Variants in GASK1B observed in about 807,000 individuals in gnomAD.
The protein encoded by GASK1B is Golgi-associated kinase 1B.
Under a neutral mutation model 42.8 loss-of-function variants are expected in GASK1B, and 34 were observed. That is an observed-to-expected ratio of 0.79 (90% CI 0.60 to 1.06). GASK1B has a LOEUF of 1.06. Among genes scored for constraint, GASK1B ranks in the 50% least tolerant of loss-of-function variants. The pLI, the probability that GASK1B is intolerant of heterozygous loss-of-function variation, is 0.00. For missense variants in GASK1B, 686 were observed against 661.0 expected, an observed-to-expected ratio of 1.04 and a Z score of -0.42; for synonymous variants, 262 against 259.1, an observed-to-expected ratio of 1.01 and a Z score of -0.11.
rs376041501 is a variant in GASK1B at position 158,170,810 on chromosome 4, C to T, written c.566G>A (p.Arg189Gln). The T allele has an allele frequency of 6.2e-7, 1 of 1,614,070 alleles. No individual in the cohort carries two copies. The highest frequency in any genetic ancestry group is 8.5e-7 in the Non-Finnish European group (1 of 1,180,038). Residue 189 changes from arginine (R) to glutamine (Q), a missense_variant, in exon 2 of 5, where the codon CGA becomes CAA. Transcript: ENST00000585682. Reference protein sequence around the residue: ...PWRLVRGPGVRAGGPDFLQPS... With the variant: ...PWRLVRGPGVQAGGPDFLQPS... ...CTGCAGGAAGTCTGGGCCCCCGGCTCGCACTCCCGGACCCCGCACCAACCT... is the reference window on the plus strand; with the variant it reads ...CTGCAGGAAGTCTGGGCCCCCGGCTTGCACTCCCGGACCCCGCACCAACCT...
In GASK1B at chr4:158,170,652, T is replaced by A. The variant is rs765468361; in HGVS notation, c.724A>T (p.Ser242Cys). 2 of 1,613,912 alleles carry A rather than the reference T, an allele frequency of 1.2e-6. No individual in the cohort carries two copies. The highest frequency in any genetic ancestry group is 2.2e-5 in the South Asian group (2 of 91,080). Residue 242 changes from serine (S) to cysteine (C), a missense_variant, in exon 2 of 5, where the codon AGC becomes TGC. Ser to Cys is a moderately radical substitution (Grantham distance 112, BLOSUM62 -1). Transcript: ENST00000585682. ...VAGLRPVSSR[S>C]GARLLVLEGG... ...TCCAGCACCAGCAAACGGGCTCCGC[T>A]CCTAGAGGACACAGGCCGGAGCCCT... is the stretch of plus-strand genomic sequence containing the variant.
rs1156236857 is a variant in GASK1B, at chr4:158,127,010, T to C, written c.*397A>G. The C allele has an allele frequency of 1.2e-5, 2 of 169,104 alleles. No individual in the cohort carries two copies. Among genetic ancestry groups the C allele is most frequent in the African/African-American group, 2.4e-5 (1 of 41,604 alleles). The allele number at this position is 169,104 out of a possible 1,614,324, so 10.5% of individuals were successfully genotyped here. A position where few individuals can be genotyped will look rare whatever the true frequency, so the allele number is the denominator to read the frequency against. On this transcript the variant is annotated 3_prime_UTR_variant, in exon 5 of 5. Coordinates refer to ENST00000585682, the MANE Select transcript of GASK1B (RefSeq NM_001128424.2). ...AAACGTCAAGAATTGTTCCCATTAG[T>C]ATTTGGTCAGAACAGTCAAAACGGC...
chr4:158,140,584 C>T (rs1168651325), intron 3 of GASK1B, among the ~76,000 whole-genome samples: 1 of 152,144 alleles, frequency 6.6e-6, no homozygotes. Flanking sequence ...TGCTCCCTAC[C>T]AGACTTACTC....
At chr4:158,153,055 A>G (rs1440048008) in intron 3 of GASK1B, among the ~76,000 whole-genome samples, 1 of 152,212 alleles carries the variant, frequency 6.6e-6, no homozygotes, top group Non-Finnish European at 1.5e-5. Context: ...AGAGGAAGTC[A>G]AACTGTCACT....
At chr4:158,134,714 T>G (rs1730814566) in intron 3 of GASK1B, among the ~76,000 whole-genome samples, 1 of 152,178 alleles carries the variant, frequency 6.6e-6, no homozygotes, top group South Asian at 2.1e-4. Context: ...TATATTTCCT[T>G]CTTCTAAAGT....
intron 3 of GASK1B, among the ~76,000 whole-genome samples, chr4:158,148,045 T>A (rs1420022261): frequency 6.6e-6 from 1 of 151,864 alleles, no homozygotes; most frequent in Non-Finnish European, 1.5e-5. Context: ...GACCTGTCTC[T>A]AAAAAAATTT....
chr4:158,129,130 T>A (rs1272407622), intron 4 of GASK1B, among the ~76,000 whole-genome samples: 3 of 152,200 alleles, frequency 2.0e-5, no homozygotes, highest in African/African-American at 7.2e-5. Context: ...AATGTGTGAA[T>A]TATATTTTCA....
intron 2 of GASK1B, among the ~76,000 whole-genome samples, chr4:158,161,904 C>T (rs547486866): frequency 6.6e-6 from 1 of 152,284 alleles, no homozygotes; most frequent in Non-Finnish European, 1.5e-5. Flanking sequence ...CAGCGACTCC[C>T]TATTTTCTGC....
chr4:158,172,548 A>T (rs1042337813), intron 1 of GASK1B: 1 of 152,266 alleles, frequency 6.6e-6, no homozygotes, highest in Non-Finnish European at 1.5e-5. Context: ...GTTTTAAGAG[A>T]TACAAAGCTT....
rs1375556125 is a variant in GASK1B at position 158,127,292 on chromosome 4, C to T, written c.*115G>A. 9 of 800,328 alleles carry T rather than the reference C, an allele frequency of 1.1e-5. No homozygotes were observed. The highest frequency in any genetic ancestry group is 7.4e-5 in the East Asian group (3 of 40,746). The allele number at this position is 800,328 out of a possible 1,614,324, so 49.6% of individuals were successfully genotyped here. On this transcript the variant is annotated 3_prime_UTR_variant, in exon 5 of 5. Coordinates refer to ENST00000585682, the MANE Select transcript of GASK1B (RefSeq NM_001128424.2). The stretch of plus-strand genomic sequence containing the variant: ...TACTTGGTTAAAGTCATTTATTTTA[C>T]GTATTCATCTACACTGCCTCATTGC...
intron 3 of GASK1B, among the ~76,000 whole-genome samples, chr4:158,141,731 C>G (rs1408595597): frequency 6.7e-6 from 1 of 148,416 alleles, no homozygotes; most frequent in Admixed American, 6.7e-5. Context: ...CTCAGCTTCC[C>G]GAGTAGCTGG....
At chr4:158,140,154 A>C (rs1265309061) in intron 3 of GASK1B, among the ~76,000 whole-genome samples, 1 of 149,134 alleles carries the variant, frequency 6.7e-6, no homozygotes, top group Middle Eastern at 3.2e-3. Flanking sequence ...TCAACACTGA[A>C]AAAAGTGAAA....
intron 3 of GASK1B, 116 bp from the exon 4 acceptor site, chr4:158,131,128 G>T: frequency 1.3e-6 from 1 of 799,620 alleles, no homozygotes; most frequent in Non-Finnish European, 2.0e-6. Flanking sequence ...ATCTAAGAGG[G>T]CCAGGCTCAT....
chr4:158,155,974 T>C (rs1731744814), intron 2 of GASK1B, 149 bp from the exon 3 acceptor site: 4 of 664,888 alleles, frequency 6.0e-6, no homozygotes, highest in South Asian at 3.9e-5. Context: ...CTTTGTCTTC[T>C]GGTTTTAATA....
At chr4:158,158,295 T>A (rs1221358649) in intron 2 of GASK1B, among the ~76,000 whole-genome samples, 1 of 152,238 alleles carries the variant, frequency 6.6e-6, no homozygotes, top group East Asian at 1.9e-4. Flanking sequence ...GATTATTACA[T>A]ATATACATCA....
chr4:158,171,272 C>T lies in GASK1B; in HGVS notation c.104G>A (p.Arg35Gln), dbSNP rs758923915. The T allele has an allele frequency of 6.8e-6, 11 of 1,613,926 alleles. No individual in the cohort carries two copies. The highest frequency in any genetic ancestry group is 7.6e-6 in the Non-Finnish European group (9 of 1,179,994). Residue 35 changes from arginine to glutamine, a missense_variant, in exon 2 of 5, where the codon CGG becomes CAG. Arg to Gln is a conservative substitution (Grantham distance 43). Transcript: ENST00000585682. Reference sequence around the variant, plus strand: ...CGCAGTGCCCAGCAGAAGGTTTCTCCGGGTCCTTGGACGCCGGCTGCTCCA... The same window carrying T: ...CGCAGTGCCCAGCAGAAGGTTTCTCTGGGTCCTTGGACGCCGGCTGCTCCA... Reference protein sequence around the residue: ...KLWSSRRPRTRRNLLLGTACA... With the variant: ...KLWSSRRPRTQRNLLLGTACA...
At chr4:158,143,741 G>T (rs1731224318) in intron 3 of GASK1B, among the ~76,000 whole-genome samples, 1 of 152,084 alleles carries the variant, frequency 6.6e-6, no homozygotes, top group South Asian at 2.1e-4. Context: ...AAATTGTTGG[G>T]TGATGAGGTA....
chr4:158,148,408 A>C (rs1419963974), intron 3 of GASK1B, among the ~76,000 whole-genome samples: 1 of 152,204 alleles, frequency 6.6e-6, no homozygotes, highest in African/African-American at 2.4e-5. Context: ...AAATGCCACA[A>C]CACCTACAAG....
intron 2 of GASK1B, among the ~76,000 whole-genome samples, chr4:158,165,515 T>TA (rs933189950): frequency 2.6e-5 from 4 of 152,144 alleles, no homozygotes; most frequent in Non-Finnish European, 4.4e-5. Context: ...TGGTTTGCAT[T>TA]AAAAAAACTT....
Sources: allele counts gnomAD v4.1 joint callset (sites outside exome capture counted in the v4.1 genomes callset), GRCh38; gene constraint gnomAD v4.1.1; transcripts MANE v1.5; gene names NCBI Gene and HGNC (gene_info 2026-07-23, HGNC 2026-07-21).